ADGRF5: variants seen among roughly 807,000 people sequenced by gnomAD.
ADGRF5 encodes the protein G-protein coupled receptor 116.
A neutral mutation model predicts 132.3 loss-of-function variants in ADGRF5; 75 were observed. The observed-to-expected ratio is 0.57, with a 90% CI of 0.47 to 0.69. ADGRF5 has a LOEUF of 0.69. Ranked by LOEUF, ADGRF5 falls within the 30% of genes least tolerant of loss-of-function variation. The pLI, the probability that ADGRF5 is intolerant of heterozygous loss-of-function variation, is 0.00. For synonymous variants in ADGRF5, 629 were observed against 597.6 expected (o/e 1.05, Z -0.77); for missense variants, 1,516 against 1,630.6 (o/e 0.93, Z 1.21).
In ADGRF5 at chr6:46,877,303, C is replaced by CTT. The variant is rs1554200502; in HGVS notation, c.1240+898_1240+899insAA. On this transcript the variant is annotated intron_variant, in intron 10 of 20. Transcript: ENST00000283296. ...TCTTTCTTTCTTTCTCTCTCTCTCT[C>CTT]TCTTTCCTTCCTTCCTTCCTTCTTT... Among the ~76,000 whole-genome samples the CTT allele has an allele frequency of 2.6e-4, 18 of 70,252 alleles. 1 individual carries two copies. The highest frequency in any genetic ancestry group is 9.8e-4 in the African/African-American group (17 of 17,352). The allele number at this position is 70,252 out of a possible 152,430, so 46.1% of individuals were successfully genotyped here. A position where few individuals can be genotyped will look rare whatever the true frequency, so the allele number is the denominator to read the frequency against.
At chr6:46,932,925 C>T (rs1777629916) in intron 1 of ADGRF5, among the ~76,000 whole-genome samples, 2 of 152,134 alleles carry the variant, frequency 1.3e-5, no homozygotes, top group Admixed American at 1.3e-4. Flanking sequence ...AGAAAGAAAT[C>T]TGAAAAAAGA....
intron 11 of ADGRF5, among the ~76,000 whole-genome samples, chr6:46,871,254 G>A (rs1390165020): frequency 6.6e-6 from 1 of 152,096 alleles, no homozygotes; most frequent in African/African-American, 2.4e-5. Context: ...TATGATATAG[G>A]GAGAAATGAC....
At chr6:46,945,340 AATGG>A (rs1276698828) in intron 1 of ADGRF5, among the ~76,000 whole-genome samples, 1 of 152,244 alleles carries the variant, frequency 6.6e-6, no homozygotes, top group African/African-American at 2.4e-5. Context: ...TTAAAATTAA[AATGG>A]ATGAACACAT....
intron 10 of ADGRF5, among the ~76,000 whole-genome samples, chr6:46,873,878 T>C (rs560839113): frequency 1.3e-5 from 2 of 152,202 alleles, no homozygotes; most frequent in African/African-American, 4.8e-5. Context: ...ATTACTTGCA[T>C]GCACTCACCT....
intron 3 of ADGRF5, 88 bp from the exon 4 acceptor site, chr6:46,888,593 G>A: frequency 1.1e-6 from 1 of 877,752 alleles, no homozygotes; most frequent in East Asian, 2.5e-5. Flanking sequence ...TAAAGGTAAT[G>A]ACAGGTACAT....
chr6:46,930,186 T>G (rs547020855), intron 1 of ADGRF5, among the ~76,000 whole-genome samples: 1 of 152,286 alleles, frequency 6.6e-6, no homozygotes, highest in East Asian at 1.9e-4. Context: ...AGAATACAGT[T>G]TTTAATTAAA....
chr6:46,906,897 G>C (rs1775434354), intron 1 of ADGRF5, 111 bp from the exon 2 acceptor site: 2 of 662,466 alleles, frequency 3.0e-6, no homozygotes. Flanking sequence ...CTTTTCAAAA[G>C]AGACACAAAA....
intron 1 of ADGRF5, among the ~76,000 whole-genome samples, chr6:46,948,804 C>T (rs938156080): frequency 1.3e-5 from 2 of 152,096 alleles, no homozygotes; most frequent in African/African-American, 4.8e-5. Context: ...CCCTCTTGAC[C>T]CCAGCCCTCA....
intron 3 of ADGRF5, among the ~76,000 whole-genome samples, chr6:46,897,516 C>T (rs1419050519): frequency 6.6e-6 from 1 of 152,176 alleles, no homozygotes; most frequent in East Asian, 1.9e-4. Flanking sequence ...CTCCATGTGG[C>T]ATCCTGTTGA....
At chr6:46,900,494 T>G (rs1360908587) in intron 2 of ADGRF5, among the ~76,000 whole-genome samples, 1 of 150,702 alleles carries the variant, frequency 6.6e-6, no homozygotes, top group Non-Finnish European at 1.5e-5. Flanking sequence ...ACTCACCCTG[T>G]CCTAACCCCA....
At chr6:46,895,642 C>T (rs1054595097) in intron 3 of ADGRF5, among the ~76,000 whole-genome samples, 8 of 149,794 alleles carry the variant, frequency 5.3e-5, no homozygotes, top group Non-Finnish European at 1.2e-4. Flanking sequence ...ATCCTGAATG[C>T]CCCTCTCTTG....
intron 1 of ADGRF5, among the ~76,000 whole-genome samples, chr6:46,932,235 G>A (rs1777586345): frequency 6.6e-6 from 1 of 152,048 alleles, no homozygotes. Flanking sequence ...AATATTTTTT[G>A]ACCATTAGTT....
At chr6:46,909,443 T>G (rs779746444) in intron 1 of ADGRF5, among the ~76,000 whole-genome samples, 1 of 152,186 alleles carries the variant, frequency 6.6e-6, no homozygotes, top group East Asian at 1.9e-4. Context: ...CTGAGCAACT[T>G]CCTGGTCTCC....
intron 2 of ADGRF5, among the ~76,000 whole-genome samples, chr6:46,904,280 C>T (rs1281646118): frequency 1.3e-5 from 2 of 152,150 alleles, no homozygotes; most frequent in Non-Finnish European, 2.9e-5. Context: ...TCACAATGGC[C>T]AAGAGGTGGA....
At chr6:46,938,852 T>A (rs1370243466) in intron 1 of ADGRF5, among the ~76,000 whole-genome samples, 1 of 148,280 alleles carries the variant, frequency 6.7e-6, no homozygotes, top group Admixed American at 6.8e-5. Context: ...ACTAGCCTTA[T>A]TTTTCATTCT....
At position 46,859,353 on chromosome 6, in the gene ADGRF5, A is replaced by G; in HGVS notation, c.2550T>C (p.Asn850=). Residue 850 remains asparagine (N), a synonymous_variant, in exon 17 of 21, where the codon AAT becomes AAC. Transcript: ENST00000283296. ...DSPPLSFSQT[N]VQMSSMVIKS... is the part of the protein sequence containing the mutation. Reference sequence around the variant, plus strand: ...TGATTACCATGCTGCTCATCTGCACATTAGTTTGGGAGAAGGACAAAGGAG... The same window carrying G: ...TGATTACCATGCTGCTCATCTGCACGTTAGTTTGGGAGAAGGACAAAGGAG... 2 of 1,613,928 alleles carry G rather than the reference A, an allele frequency of 1.2e-6. No individual in the cohort carries two copies. The highest frequency in any genetic ancestry group is 1.7e-6 in the Non-Finnish European group (2 of 1,179,824).
chr6:46,903,927 A>G (rs1322511842), intron 2 of ADGRF5, among the ~76,000 whole-genome samples: 3 of 152,208 alleles, frequency 2.0e-5, no homozygotes, highest in African/African-American at 7.2e-5. Context: ...AGGAGATATG[A>G]TTTATTCTCA....
intron 4 of ADGRF5, chr6:46,886,640 A>G (rs748888194): frequency 2.0e-5 from 3 of 152,192 alleles, no homozygotes; most frequent in Admixed American, 6.5e-5. Context: ...TGCCATTACT[A>G]AAAAAGGATC....
chr6:46,878,109 C>T, intron 10 of ADGRF5, 93 bp downstream of exon 10: 2 of 808,204 alleles, frequency 2.5e-6, no homozygotes, highest in Non-Finnish European at 4.3e-6. Context: ...TAACAGCCAT[C>T]TGACATTTCC....
Sources: allele counts gnomAD v4.1 joint callset (sites outside exome capture counted in the v4.1 genomes callset), GRCh38; gene constraint gnomAD v4.1.1; transcripts MANE v1.5; gene names NCBI Gene and HGNC (gene_info 2026-07-23, HGNC 2026-07-21).